Variants in LSAMP observed in about 807,000 individuals in gnomAD.
LSAMP encodes the protein limbic system associated membrane protein, also known as limbic system-associated membrane protein.
In LSAMP, 7 loss-of-function variants were observed where a neutral mutation model predicts 38.6. That is an observed-to-expected ratio of 0.18 (90% CI 0.10 to 0.34). LSAMP has a LOEUF of 0.34. Among genes scored for constraint, LSAMP ranks in the 10% least tolerant of loss-of-function variants. LSAMP has a pLI of 1.00. For missense variants in LSAMP, 313 were observed against 420.0 expected, an observed-to-expected ratio of 0.75 and a Z score of 2.23; for synonymous variants, 154 against 166.8, an observed-to-expected ratio of 0.92 and a Z score of 0.59.
intron 1 of LSAMP, among the ~76,000 whole-genome samples, chr3:116,110,355 G>A (rs1404178069): frequency 1.3e-5 from 2 of 152,182 alleles, no homozygotes; most frequent in Non-Finnish European, 2.9e-5. Context: ...GCCGCTAAGG[G>A]TGAAGGACCA....
chr3:116,092,910 A>G (rs185828243), intron 1 of LSAMP, among the ~76,000 whole-genome samples: 1 of 152,366 alleles, frequency 6.6e-6, no homozygotes, highest in East Asian at 1.9e-4. Context: ...TTTAACAAGC[A>G]TTAATGGCTG....
intron 1 of LSAMP, among the ~76,000 whole-genome samples, chr3:116,267,697 C>T (rs1455197545): frequency 1.3e-5 from 2 of 151,888 alleles, no homozygotes; most frequent in Admixed American, 1.3e-4. Flanking sequence ...TGACGCCATC[C>T]TCTGTTCGTC....
chr3:116,368,318 G>A (rs2048383113), intron 1 of LSAMP: 1 of 152,106 alleles, frequency 6.6e-6, no homozygotes. Flanking sequence ...CCACAAGTCA[G>A]GCAGGAGTTA....
intron 3 of LSAMP, among the ~76,000 whole-genome samples, chr3:115,860,355 C>T (rs1171900915): frequency 2.6e-5 from 4 of 152,166 alleles, no homozygotes; most frequent in Admixed American, 1.3e-4. Context: ...ACTCATGTTC[C>T]GAACTAAGCA....
intron 6 of LSAMP, chr3:115,834,593 A>C: frequency 7.9e-7 from 1 of 1,265,844 alleles, no homozygotes; most frequent in East Asian, 6.0e-5. Context: ...TGGGTAAAAC[A>C]CGTTCTAAAG....
chr3:115,997,978 G>T (rs1204163123), intron 3 of LSAMP, among the ~76,000 whole-genome samples: 1 of 146,678 alleles, frequency 6.8e-6, no homozygotes, highest in Non-Finnish European at 1.5e-5. Flanking sequence ...TCTATATATC[G>T]TGTGTGTGAT....
At chr3:116,404,540 A>G (rs2048877797) in intron 1 of LSAMP, among the ~76,000 whole-genome samples, 1 of 152,196 alleles carries the variant, frequency 6.6e-6, no homozygotes, top group Admixed American at 6.6e-5. Flanking sequence ...GGGTAGACGA[A>G]TGGACAGATG....
At chr3:116,375,156 C>G (rs2048478707) in intron 1 of LSAMP, among the ~76,000 whole-genome samples, 1 of 151,876 alleles carries the variant, frequency 6.6e-6, no homozygotes, top group Admixed American at 6.6e-5. Context: ...TGTCTATCAT[C>G]ACTATTATAA....
intron 3 of LSAMP, among the ~76,000 whole-genome samples, chr3:115,934,378 C>T (rs1937633241): frequency 1.3e-5 from 2 of 151,752 alleles, no homozygotes; most frequent in South Asian, 2.1e-4. Flanking sequence ...GATTTCACTA[C>T]GTTGGCCAGG....
At chr3:116,349,173 G>T (rs1181645745) in intron 1 of LSAMP, among the ~76,000 whole-genome samples, 1 of 151,930 alleles carries the variant, frequency 6.6e-6, no homozygotes, top group Admixed American at 6.6e-5. Context: ...ATCAATAACA[G>T]CTATTATTAT....
intron 3 of LSAMP, among the ~76,000 whole-genome samples, chr3:116,000,060 T>C (rs1939945820): frequency 6.6e-6 from 1 of 152,130 alleles, no homozygotes; most frequent in Admixed American, 6.5e-5. Flanking sequence ...GAAAGAGAGA[T>C]TAAACAATGG....
chr3:116,220,824 C>T (rs1308131478), intron 1 of LSAMP, among the ~76,000 whole-genome samples: 1 of 152,190 alleles, frequency 6.6e-6, no homozygotes, highest in Non-Finnish European at 1.5e-5. Context: ...AAGTCAGATT[C>T]AGGAAGCATG....
At chr3:116,100,785 C>T (rs1708329043) in intron 1 of LSAMP, among the ~76,000 whole-genome samples, 1 of 152,130 alleles carries the variant, frequency 6.6e-6, no homozygotes, top group Admixed American at 6.6e-5. Context: ...CTTTCCAACC[C>T]CGATCTCTTG....
intron 2 of LSAMP, among the ~76,000 whole-genome samples, chr3:116,072,285 C>A (rs1418026662): frequency 6.6e-6 from 1 of 152,062 alleles, no homozygotes; most frequent in Non-Finnish European, 1.5e-5. Context: ...AGCATATTTT[C>A]TTTATCCAGT....
intron 1 of LSAMP, among the ~76,000 whole-genome samples, chr3:116,249,631 G>A (rs538919707): frequency 6.6e-5 from 10 of 151,976 alleles, no homozygotes; most frequent in East Asian, 1.9e-4. Context: ...TGATCCGCCC[G>A]CCTCAGCCTC....
At chr3:115,883,388 C>G (rs534601127) in intron 3 of LSAMP, among the ~76,000 whole-genome samples, 11 of 152,046 alleles carry the variant, frequency 7.2e-5, no homozygotes, top group South Asian at 2.1e-4. Flanking sequence ...CACAGAGGAG[C>G]CTTAGTAGAT....
At chr3:115,978,475 T>C (rs924425726) in intron 3 of LSAMP, among the ~76,000 whole-genome samples, 3 of 152,120 alleles carry the variant, frequency 2.0e-5, no homozygotes, top group African/African-American at 7.2e-5. Flanking sequence ...TATTCATCAG[T>C]AATTTACTAT....
chr3:115,909,456 G>T (rs2107501577), intron 3 of LSAMP, among the ~76,000 whole-genome samples: 1 of 152,232 alleles, frequency 6.6e-6, no homozygotes, highest in African/African-American at 2.4e-5. Context: ...TGTTCCCTTG[G>T]TGTCATCATT....
chr3:116,235,886 A>G (rs753974951), intron 1 of LSAMP, among the ~76,000 whole-genome samples: 17 of 152,186 alleles, frequency 1.1e-4, no homozygotes, highest in Admixed American at 9.8e-4. Flanking sequence ...TAGACTAAGA[A>G]AGATGCTCTA....
Sources: allele counts gnomAD v4.1 joint callset (sites outside exome capture counted in the v4.1 genomes callset), GRCh38; gene constraint gnomAD v4.1.1; transcripts MANE v1.5; gene names NCBI Gene and HGNC (gene_info 2026-07-23, HGNC 2026-07-21).